The following USH2A variants were observed in gnomAD, a reference collection of about 807,000 sequenced individuals.
The protein encoded by USH2A is usherin, also known as Usher syndrome 2A (autosomal recessive, mild).
Under a neutral mutation model 538.9 loss-of-function variants are expected in USH2A, and 443 were observed. The observed-to-expected ratio is 0.82, with a 90% CI of 0.76 to 0.89. The LOEUF is 0.89. Among genes scored for constraint, USH2A ranks in the 40% least tolerant of loss-of-function variants. The probability of loss-of-function intolerance (pLI) is 0.00; values close to 1 mark genes in which losing one functional copy is unlikely to be tolerated. For missense variants in USH2A, 6,633 were observed against 6,324.8 expected (o/e 1.05, Z -1.65); for synonymous variants, 2,413 against 2,273.5 (o/e 1.06, Z -1.75).
At position 215,683,704 on chromosome 1, in the gene USH2A, G is replaced by A. The variant is rs777373055; in HGVS notation, c.12067-3328C>T. 1.3e-4 allele frequency among the ~76,000 whole-genome samples: 20 copies of A among 151,908 alleles called. No homozygotes were observed. The South Asian group carries it at 1.5e-3, about 11-fold the overall frequency. On this transcript the variant is annotated intron_variant, in intron 61 of 71. Transcript: ENST00000307340. ...TACTCCTTTGCTTCACTTTTCTTCC[G>A]TTTCTTCCTTTCTCTTTCTTCTTAT...
At chr1:215,626,549 G>C (rs1161129781) in intron 71 of USH2A, among the ~76,000 whole-genome samples, 1 of 151,838 alleles carries the variant, frequency 6.6e-6, no homozygotes, top group Non-Finnish European at 1.5e-5. Flanking sequence ...TAGTAATGTT[G>C]GTTATAATGT....
chr1:216,400,098 T>C (rs891596754), intron 3 of USH2A, among the ~76,000 whole-genome samples: 3 of 152,050 alleles, frequency 2.0e-5, no homozygotes, highest in Non-Finnish European at 2.9e-5. Flanking sequence ...ATGAATCATA[T>C]GTTGGAATTA....
chr1:216,265,414 A>G (rs2036451909), intron 11 of USH2A, among the ~76,000 whole-genome samples: 1 of 152,094 alleles, frequency 6.6e-6, no homozygotes, highest in Non-Finnish European at 1.5e-5. Flanking sequence ...AAATTAGCAT[A>G]CCATTATGGA....
chr1:216,099,359 A>G (rs2032522218), intron 21 of USH2A, among the ~76,000 whole-genome samples: 1 of 152,170 alleles, frequency 6.6e-6, no homozygotes, highest in Non-Finnish European at 1.5e-5. Context: ...ATTGCTTTTC[A>G]GTAGTCAAAC....
chr1:215,820,536 A>G (rs1311513393), intron 47 of USH2A, among the ~76,000 whole-genome samples: 1 of 151,756 alleles, frequency 6.6e-6, no homozygotes, highest in African/African-American at 2.4e-5. Context: ...GAGCAAATCA[A>G]TGTAACTGGC....
chr1:215,682,008 A>C (rs1317357170), intron 61 of USH2A, among the ~76,000 whole-genome samples: 1 of 152,166 alleles, frequency 6.6e-6, no homozygotes, highest in Non-Finnish European at 1.5e-5. Flanking sequence ...TCTCCATAAC[A>C]TTGGATTGGC....
At chr1:216,196,038 T>A in intron 19 of USH2A, 1 of 175,864 alleles carries the variant, frequency 5.7e-6, no homozygotes, top group Non-Finnish European at 1.3e-5. Context: ...AGGCAATATA[T>A]GACTGTATAT....
At chr1:215,678,115 C>T (rs187947514) in intron 62 of USH2A, among the ~76,000 whole-genome samples, 3 of 152,310 alleles carry the variant, frequency 2.0e-5, no homozygotes, top group African/African-American at 7.2e-5. Flanking sequence ...TAATTTGACC[C>T]ACCTTCAATT....
intron 61 of USH2A, among the ~76,000 whole-genome samples, chr1:215,725,334 A>T: frequency 6.6e-6 from 1 of 152,184 alleles, no homozygotes; most frequent in East Asian, 1.9e-4. Flanking sequence ...AAAAATATTG[A>T]ACACAATCTC....
chr1:215,790,978 G>A (rs774642518), intron 50 of USH2A, among the ~76,000 whole-genome samples: 1 of 152,080 alleles, frequency 6.6e-6, no homozygotes, highest in African/African-American at 2.4e-5. Flanking sequence ...GGGGGCAGCC[G>A]CAGAAAGACC....
At chr1:216,374,633 T>C (rs1263729477) in intron 3 of USH2A, among the ~76,000 whole-genome samples, 1 of 152,170 alleles carries the variant, frequency 6.6e-6, no homozygotes, top group East Asian at 1.9e-4. Flanking sequence ...AAATTCAATA[T>C]ATGCTTAGGC....
Position 216,198,534 on chromosome 1 carries a change from C to T in USH2A, c.3862G>A (p.Glu1288Lys). 6.2e-7 allele frequency: 1 copy of T among 1,613,782 alleles called. No individual in the cohort carries two copies. Among genetic ancestry groups the T allele is most frequent in the African/African-American group, 1.3e-5 (1 of 75,034 alleles). The change falls in exon 18 of 72, where the codon GAA becomes AAA. Residue 1288 changes from glutamate to lysine, a missense_variant. Physicochemically the swap from Glu to Lys is moderately conservative, Grantham distance 56. Coordinates refer to ENST00000307340, the MANE Select transcript of USH2A (RefSeq NM_206933.4). ...ACTCGACTTTCCTCAGATGTGGTTT[C>T]TTTAGTAGATCTCAGTCTTCTCATG... ...LYMRRLRSTK[E>K]TTSEESRVFQ...
intron 48 of USH2A, among the ~76,000 whole-genome samples, chr1:215,814,668 T>G (rs1662808110): frequency 6.6e-6 from 1 of 152,106 alleles, no homozygotes; most frequent in Non-Finnish European, 1.5e-5. Context: ...CCCTTCACCT[T>G]CCGCCATGAT....
At chr1:216,327,885 T>G (rs2037767281) in intron 4 of USH2A, among the ~76,000 whole-genome samples, 1 of 152,148 alleles carries the variant, frequency 6.6e-6, no homozygotes, top group Admixed American at 6.6e-5. Flanking sequence ...GTGAATACTT[T>G]GGCCAGCCTA....
At chr1:216,083,363 A>G in intron 26 of USH2A, 93 bp downstream of exon 26, 1 of 1,368,640 alleles carries the variant, frequency 7.3e-7, no homozygotes, top group South Asian at 1.4e-5. Context: ...TTGTAAAGAA[A>G]CCCCAATTAA....
At chr1:216,101,780 A>G (rs927259662) in intron 21 of USH2A, among the ~76,000 whole-genome samples, 6 of 152,210 alleles carry the variant, frequency 3.9e-5, no homozygotes, top group African/African-American at 1.4e-4. Flanking sequence ...AGAGCATTTC[A>G]TGCATCTCTA....
chr1:215,777,566 T>C (rs146589257), intron 55 of USH2A, among the ~76,000 whole-genome samples: 237 of 152,360 alleles, frequency 1.6e-3, no homozygotes, highest in Non-Finnish European at 2.6e-3. Flanking sequence ...ATCCCATTGC[T>C]TACTCCAAGT....
At chr1:216,133,107 G>T (rs1028090228) in intron 21 of USH2A, among the ~76,000 whole-genome samples, 1 of 152,026 alleles carries the variant, frequency 6.6e-6, no homozygotes, top group Non-Finnish European at 1.5e-5. Flanking sequence ...TACCTATTTT[G>T]TTAAATTCAT....
chr1:215,825,556 G>A (rs1475251314), intron 47 of USH2A, among the ~76,000 whole-genome samples: 1 of 151,930 alleles, frequency 6.6e-6, no homozygotes. Flanking sequence ...AAACATTTTT[G>A]TTTGACCAGA....
Sources: allele counts gnomAD v4.1 joint callset (sites outside exome capture counted in the v4.1 genomes callset), GRCh38; gene constraint gnomAD v4.1.1; transcripts MANE v1.5; gene names NCBI Gene and HGNC (gene_info 2026-07-23, HGNC 2026-07-21).